SCP2: variants seen among roughly 807,000 people sequenced by gnomAD.
SCP2 encodes sterol carrier protein 2.
A neutral mutation model predicts 71.4 loss-of-function variants in SCP2; 48 were observed. The ratio of observed to expected loss-of-function variants is 0.67; its 90% CI spans 0.53 to 0.86. The LOEUF (loss-of-function observed/expected upper bound fraction) is 0.86, where lower values mean the gene tolerates loss of function less well. Ranked by LOEUF, SCP2 falls within the 40% of genes least tolerant of loss-of-function variation. The probability of loss-of-function intolerance (pLI) is 0.00; values close to 1 mark genes in which losing one functional copy is unlikely to be tolerated. For missense variants in SCP2, 560 were observed against 655.6 expected, an observed-to-expected ratio of 0.85 and a Z score of 1.59; for synonymous variants, 220 against 218.1, an observed-to-expected ratio of 1.01 and a Z score of -0.08.
intron 11 of SCP2, among the ~76,000 whole-genome samples, chr1:53,009,471 C>G (rs959874992): frequency 6.6e-6 from 1 of 152,054 alleles, no homozygotes; most frequent in Non-Finnish European, 1.5e-5. Context: ...GAAATAATAC[C>G]ACACATCTAC....
intron 10 of SCP2, among the ~76,000 whole-genome samples, chr1:52,983,121 T>C (rs908263256): frequency 6.6e-6 from 1 of 152,220 alleles, no homozygotes; most frequent in Non-Finnish European, 1.5e-5. Context: ...TATAGAATTC[T>C]AGGTTGACAG....
At chr1:52,947,015 C>T (rs1249662373) in intron 2 of SCP2, among the ~76,000 whole-genome samples, 1 of 147,616 alleles carries the variant, frequency 6.8e-6, no homozygotes, top group African/African-American at 2.5e-5. Context: ...GAGCCGAGAT[C>T]GCGCCCTTGC....
At chr1:52,933,263 G>A (rs1653330105) in intron 1 of SCP2, among the ~76,000 whole-genome samples, 1 of 152,114 alleles carries the variant, frequency 6.6e-6, no homozygotes, top group Non-Finnish European at 1.5e-5. Flanking sequence ...GAAAATTTGA[G>A]CTTTAAAAGA....
intron 13 of SCP2, among the ~76,000 whole-genome samples, chr1:53,035,202 A>G (rs1662843374): frequency 6.6e-6 from 1 of 152,196 alleles, no homozygotes; most frequent in South Asian, 2.1e-4. Flanking sequence ...GATAGGAAAT[A>G]AAAGCTATTA....
chr1:52,976,539 A>G (rs1657986286), intron 7 of SCP2, 144 bp from the exon 8 acceptor site: 4 of 644,688 alleles, frequency 6.2e-6, no homozygotes, highest in South Asian at 5.6e-5. Context: ...TAAAAGGTCA[A>G]TTCAGATGAC....
chr1:52,981,118 G>A (rs1270579420), intron 10 of SCP2, among the ~76,000 whole-genome samples: 2 of 152,142 alleles, frequency 1.3e-5, no homozygotes, highest in African/African-American at 4.8e-5. Context: ...TTTTAGTAGA[G>A]ACAGGGTTTC....
chr1:52,941,648 T>C, intron 1 of SCP2, 148 bp from the exon 2 acceptor site: 1 of 522,034 alleles, frequency 1.9e-6, no homozygotes, highest in Admixed American at 2.9e-5. Context: ...GCCAGGAGAA[T>C]GGCTTGAACC....
chr1:53,013,552 GCCA>G (rs1473117585), intron 11 of SCP2, among the ~76,000 whole-genome samples: 1 of 151,962 alleles, frequency 6.6e-6, no homozygotes, highest in Non-Finnish European at 1.5e-5. Flanking sequence ...CCAAGATCGT[GCCA>G]CTGCACTCTA....
At chr1:53,014,624 A>G (rs987941753) in intron 11 of SCP2, among the ~76,000 whole-genome samples, 15 of 152,058 alleles carry the variant, frequency 9.9e-5, no homozygotes, top group South Asian at 8.3e-4. Context: ...TTTTTATGCC[A>G]TTTTCCCTGG....
At chr1:52,977,735 C>T (rs1267158943) in intron 8 of SCP2, among the ~76,000 whole-genome samples, 5 of 152,096 alleles carry the variant, frequency 3.3e-5, no homozygotes, top group African/African-American at 9.7e-5. Flanking sequence ...CCGAGGCGGG[C>T]GGATCACCTG....
At chr1:52,995,805 C>A in intron 11 of SCP2, 3 of 887,570 alleles carry the variant, frequency 3.4e-6, no homozygotes, top group South Asian at 1.4e-5. Context: ...GGCAGCAGCA[C>A]GGCCATCCAG....
chr1:53,050,748 A>AG lies in SCP2; in HGVS notation c.*45dup, dbSNP rs1557638337. On this transcript the variant is annotated 3_prime_UTR_variant, in exon 16 of 16. Transcript: ENST00000371514. ...TTTTGAAAATCAAGATGAGATATAT[A>AG]GATATATATCCATACATTTTATTGT... 7 of 1,213,884 alleles carry AG rather than the reference A, an allele frequency of 5.8e-6. No individual in the cohort carries two copies. The highest frequency in any genetic ancestry group is 8.6e-6 in the Non-Finnish European group (7 of 816,420). The allele number at this position is 1,213,884 out of a possible 1,614,324, so 75.2% of individuals were successfully genotyped here.
Position 52,999,992 on chromosome 1 carries a change from T to G in SCP2, c.1081+11856T>G, listed in dbSNP as rs376953245. ...TCACCATGCCCGGCTAATTTTTGTA[T>G]TTTTAGTAGAGCTGGGGTTTCACTA... On this transcript the variant is annotated intron_variant, in intron 11 of 15. Coordinates refer to ENST00000371514, the MANE Select transcript of SCP2 (RefSeq NM_002979.5). Among the ~76,000 whole-genome samples, 4 of 152,012 alleles carry G rather than the reference T, an allele frequency of 2.6e-5. No individual in the cohort carries two copies. In the South Asian group the frequency reaches 8.3e-4, roughly 32 times the overall value.
chr1:53,014,486 T>C (rs1015573564), intron 11 of SCP2, among the ~76,000 whole-genome samples: 1 of 152,270 alleles, frequency 6.6e-6, no homozygotes, highest in Non-Finnish European at 1.5e-5. Context: ...CAACTCATTG[T>C]TGTTGGGAAC....
intron 10 of SCP2, among the ~76,000 whole-genome samples, chr1:52,987,380 G>A (rs1659093449): frequency 6.6e-6 from 1 of 152,080 alleles, no homozygotes; most frequent in Non-Finnish European, 1.5e-5. Flanking sequence ...ATTATTTGGA[G>A]CGTCCACATC....
intron 6 of SCP2, 61 bp downstream of exon 6, chr1:52,961,690 G>A: frequency 6.9e-7 from 1 of 1,442,110 alleles, no homozygotes; most frequent in Non-Finnish European, 9.8e-7. Context: ...GATGAGAAAT[G>A]ACAGTTATTT....
intron 1 of SCP2, among the ~76,000 whole-genome samples, chr1:52,937,598 G>A (rs1202874479): frequency 1.3e-5 from 2 of 152,192 alleles, no homozygotes; most frequent in Non-Finnish European, 2.9e-5. Context: ...AACACATTAA[G>A]TGTTTTGGTA....
intron 1 of SCP2, among the ~76,000 whole-genome samples, chr1:52,929,140 C>T (rs1164859365): frequency 3.3e-5 from 5 of 151,600 alleles, no homozygotes; most frequent in Non-Finnish European, 5.9e-5. Context: ...GTCTTCTGCA[C>T]CTTGGGACAG....
At chr1:52,973,931 A>G (rs1189563658) in intron 6 of SCP2, among the ~76,000 whole-genome samples, 1 of 152,226 alleles carries the variant, frequency 6.6e-6, no homozygotes, top group African/African-American at 2.4e-5. Flanking sequence ...TTAGAAGATC[A>G]CAAGTGTGGA....
Sources: allele counts gnomAD v4.1 joint callset (sites outside exome capture counted in the v4.1 genomes callset), GRCh38; gene constraint gnomAD v4.1.1; transcripts MANE v1.5; gene names NCBI Gene and HGNC (gene_info 2026-07-23, HGNC 2026-07-21).